Variants in EXT1 observed in about 807,000 individuals in gnomAD.
EXT1 encodes the protein exostosin-1.
Under a neutral mutation model 82.5 loss-of-function variants are expected in EXT1, and 20 were observed. That is an observed-to-expected ratio of 0.24 (90% CI 0.17 to 0.35). The LOEUF is 0.35. Among genes scored for constraint, EXT1 ranks in the 10% least tolerant of loss-of-function variants. The pLI, the probability that EXT1 is intolerant of heterozygous loss-of-function variation, is 1.00. For synonymous variants in EXT1, 348 were observed against 350.8 expected, an observed-to-expected ratio of 0.99 and a Z score of 0.09; for missense variants, 757 against 936.5, an observed-to-expected ratio of 0.81 and a Z score of 2.50.
At chr8:117,919,001 C>T (rs1323187454) in intron 1 of EXT1, among the ~76,000 whole-genome samples, 2 of 152,014 alleles carry the variant, frequency 1.3e-5, no homozygotes, top group Admixed American at 1.3e-4. Flanking sequence ...TTCAATACAG[C>T]TTACCTCTCC....
chr8:117,831,555 T>C (rs922302025), intron 3 of EXT1: 1 of 470,936 alleles, frequency 2.1e-6, no homozygotes, highest in African/African-American at 2.0e-5. Context: ...CTATAGTCTT[T>C]AGGGAAGATT....
intron 1 of EXT1, among the ~76,000 whole-genome samples, chr8:118,093,500 A>C (rs2130004667): frequency 6.6e-6 from 1 of 152,256 alleles, no homozygotes; most frequent in East Asian, 1.9e-4. Context: ...ATAATTCTGT[A>C]ATGTATAAGA....
At chr8:118,014,069 T>C (rs768730822) in intron 1 of EXT1, among the ~76,000 whole-genome samples, 7 of 152,298 alleles carry the variant, frequency 4.6e-5, no homozygotes, top group South Asian at 2.1e-4. Flanking sequence ...GGCTGTGCTA[T>C]AGGTTAAATA....
intron 1 of EXT1, among the ~76,000 whole-genome samples, chr8:117,865,881 A>T (rs555238658): frequency 1.4e-4 from 21 of 152,350 alleles, no homozygotes; most frequent in Admixed American, 4.6e-4. Flanking sequence ...AGAGGGTATT[A>T]GAGCTTATCA....
At chr8:117,906,757 C>T (rs1400836166) in intron 1 of EXT1, among the ~76,000 whole-genome samples, 1 of 152,088 alleles carries the variant, frequency 6.6e-6, no homozygotes, top group East Asian at 1.9e-4. Flanking sequence ...CAGTTGTCTC[C>T]TTGGGAAAGA....
chr8:117,910,923 A>G (rs958030340), intron 1 of EXT1, among the ~76,000 whole-genome samples: 6 of 152,236 alleles, frequency 3.9e-5, no homozygotes, highest in African/African-American at 9.6e-5. Flanking sequence ...AGACAGGCCA[A>G]TGAGGCCTAA....
At chr8:117,978,676 C>T (rs1174641474) in intron 1 of EXT1, among the ~76,000 whole-genome samples, 1 of 152,216 alleles carries the variant, frequency 6.6e-6, no homozygotes, top group African/African-American at 2.4e-5. Flanking sequence ...AGCTGCGTGA[C>T]TCACGCTTTT....
intron 1 of EXT1, among the ~76,000 whole-genome samples, chr8:117,931,760 A>C (rs1373198205): frequency 6.6e-6 from 1 of 152,222 alleles, no homozygotes; most frequent in Admixed American, 6.5e-5. Context: ...TCTATGTTTT[A>C]GGTATATTTC....
At chr8:118,052,633 C>T (rs564567240) in intron 1 of EXT1, among the ~76,000 whole-genome samples, 106 of 152,278 alleles carry the variant, frequency 7.0e-4, no homozygotes, top group African/African-American at 2.4e-3. Context: ...AAACTTTAAA[C>T]CCCATTTAAT....
rs55681540 is a variant in EXT1 at position 118,012,955 on chromosome 8, T to G, written c.962+97130A>C. Among the ~76,000 whole-genome samples the G allele has an allele frequency of 2.4e-3, 369 of 152,330 alleles. 1 individual carries two copies. Among genetic ancestry groups the G allele is most frequent in the African/African-American group, 8.1e-3 (335 of 41,570 alleles). On this transcript the variant is annotated intron_variant, in intron 1 of 10. Coordinates refer to ENST00000378204, the MANE Select transcript of EXT1 (RefSeq NM_000127.3). ...AGTAAGGCAACTAACTGGCTCTCACTCCTTCGTCTCTAAAATTAAGCAAAT... is the reference window on the plus strand; with the variant it reads ...AGTAAGGCAACTAACTGGCTCTCACGCCTTCGTCTCTAAAATTAAGCAAAT...
intron 1 of EXT1, among the ~76,000 whole-genome samples, chr8:117,867,981 A>G (rs10093485): frequency 0.035 from 5,338 of 152,298 alleles, 323 homozygotes; most frequent in African/African-American, 0.12. Context: ...TGCCATAAGC[A>G]CTTTTAATTA....
In EXT1 at chr8:117,796,485, G is replaced by A. The variant is rs998660063; in HGVS notation, c.*3227C>T. On this transcript the variant is annotated 3_prime_UTR_variant, in exon 11 of 11. Coordinates refer to ENST00000378204, the MANE Select transcript of EXT1 (RefSeq NM_000127.3). ...GCATAATACTCTTTCAAGTCACCAG[G>A]TATTTGAGAACCACCAAAATAAAGG... 6 of 151,862 alleles carry A rather than the reference G, an allele frequency of 4.0e-5. No individual in the cohort carries two copies. The highest frequency in any genetic ancestry group is 1.5e-4 in the African/African-American group (6 of 41,324). 9.4% of individuals were successfully genotyped at this position (151,862 alleles called of 1,614,324 possible).
At chr8:117,962,819 T>A (rs1207097747) in intron 1 of EXT1, among the ~76,000 whole-genome samples, 1 of 136,206 alleles carries the variant, frequency 7.3e-6, no homozygotes, top group Non-Finnish European at 1.5e-5. Context: ...CCATCTAATC[T>A]AGAGGCTGAG....
Position 117,957,479 on chromosome 8 carries a change from C to A in EXT1, c.963-120278G>T, listed in dbSNP as rs547636441. ...CGGAATAAACAGGCTGCAGGTCTTA[C>A]GGAGGGAGCCCCAACGGGAGACAGA... On this transcript the variant is annotated intron_variant, in intron 1 of 10. Transcript: ENST00000378204. 5.0e-4 allele frequency among the ~76,000 whole-genome samples: 76 copies of A among 152,310 alleles called. No individual in the cohort carries two copies. In the South Asian group the frequency reaches 0.011, roughly 22 times the overall value.
At chr8:117,920,011 A>T (rs1813824775) in intron 1 of EXT1, among the ~76,000 whole-genome samples, 1 of 152,168 alleles carries the variant, frequency 6.6e-6, no homozygotes, top group South Asian at 2.1e-4. Context: ...TCATGTTGAT[A>T]GTTGATATGG....
intron 1 of EXT1, among the ~76,000 whole-genome samples, chr8:118,086,681 C>G (rs148084775): frequency 0.01 from 1,581 of 152,144 alleles, 33 homozygotes; most frequent in African/African-American, 0.033. Context: ...ATTCAGCTTG[C>G]ATTCATAATA....
At chr8:117,906,314 A>C (rs73704830) in intron 1 of EXT1, among the ~76,000 whole-genome samples, 7,717 of 152,260 alleles carry the variant, frequency 0.051, 652 homozygotes, top group African/African-American at 0.17. Flanking sequence ...TTAAGTCTCT[A>C]CCCAACTAGT....
chr8:117,847,943 T>C (rs1312896546), intron 1 of EXT1, among the ~76,000 whole-genome samples: 1 of 152,212 alleles, frequency 6.6e-6, no homozygotes, highest in African/African-American at 2.4e-5. Context: ...CAACCTCACC[T>C]TCCCATTTTC....
chr8:117,925,261 G>T (rs1813931137), intron 1 of EXT1, among the ~76,000 whole-genome samples: 1 of 151,954 alleles, frequency 6.6e-6, no homozygotes, highest in African/African-American at 2.4e-5. Context: ...GACAACAGGA[G>T]CTGTGTCTCT....
Sources: allele counts gnomAD v4.1 joint callset (sites outside exome capture counted in the v4.1 genomes callset), GRCh38; gene constraint gnomAD v4.1.1; transcripts MANE v1.5; gene names NCBI Gene and HGNC (gene_info 2026-07-23, HGNC 2026-07-21).